CDKAL1: variants seen among roughly 807,000 people sequenced by gnomAD.
The protein encoded by CDKAL1 is threonylcarbamoyladenosine tRNA methylthiotransferase.
A neutral mutation model predicts 68.2 loss-of-function variants in CDKAL1; 32 were observed. The observed-to-expected ratio is 0.47, with a 90% CI of 0.35 to 0.63. The LOEUF (loss-of-function observed/expected upper bound fraction) is 0.63. CDKAL1 is among the 30% of genes least tolerant of loss of function. CDKAL1 has a pLI of 0.00. For synonymous variants in CDKAL1, 234 were observed against 244.3 expected, an observed-to-expected ratio of 0.96 and a Z score of 0.39; for missense variants, 606 against 696.7, an observed-to-expected ratio of 0.87 and a Z score of 1.47.
At chr6:20,734,162 A>AG (rs1554112396) in intron 5 of CDKAL1, among the ~76,000 whole-genome samples, 3 of 150,862 alleles carry the variant, frequency 2.0e-5, no homozygotes, top group Non-Finnish European at 4.4e-5. Context: ...AAAAAAAAAA[A>AG]AAAGAAAGAA....
chr6:21,121,640 T>C (rs975569825), intron 13 of CDKAL1, among the ~76,000 whole-genome samples: 38 of 152,320 alleles, frequency 2.5e-4, no homozygotes, highest in African/African-American at 8.9e-4. Flanking sequence ...TGCAGTAAAG[T>C]TATAGTTTCT....
intron 4 of CDKAL1, among the ~76,000 whole-genome samples, chr6:20,606,365 C>T (rs1451307400): frequency 6.6e-6 from 1 of 151,976 alleles, no homozygotes; most frequent in Non-Finnish European, 1.5e-5. Flanking sequence ...GATTTGTTTC[C>T]CTCTAGATTT....
intron 5 of CDKAL1, among the ~76,000 whole-genome samples, chr6:20,706,808 A>C (rs191002964): frequency 1.3e-5 from 2 of 152,138 alleles, no homozygotes; most frequent in Non-Finnish European, 2.9e-5. Flanking sequence ...TTTAACTTGC[A>C]TAAGTCCTGT....
At chr6:20,716,316 C>T (rs1330708134) in intron 5 of CDKAL1, among the ~76,000 whole-genome samples, 1 of 152,064 alleles carries the variant, frequency 6.6e-6, no homozygotes, top group Non-Finnish European at 1.5e-5. Context: ...TCAGGGAAAC[C>T]ATTTGAAAGA....
intron 10 of CDKAL1, among the ~76,000 whole-genome samples, chr6:20,960,845 C>T (rs1399988090): frequency 6.6e-6 from 1 of 152,128 alleles, no homozygotes; most frequent in Non-Finnish European, 1.5e-5. Context: ...GTTTATTTGC[C>T]CAGCTAAAAT....
intron 9 of CDKAL1, among the ~76,000 whole-genome samples, chr6:20,882,426 T>A (rs1010646095): frequency 3.9e-5 from 6 of 152,222 alleles, no homozygotes; most frequent in Non-Finnish European, 8.8e-5. Context: ...GACTCCCATA[T>A]CATATAACAC....
Position 21,111,570 on chromosome 6 carries a change from A to G in CDKAL1, c.1299+3107A>G, listed in dbSNP as rs572205644. Among the ~76,000 whole-genome samples, 6 of 152,308 alleles carry G rather than the reference A, an allele frequency of 3.9e-5. No individual in the cohort carries two copies. In the East Asian group the frequency reaches 1.2e-3, roughly 29 times the overall value. ...GTGTTGTTTGAGTGAGCCCAGGTGC[A>G]TTTCTTAATCATACCCCAAAGCCAT... On this transcript the variant is annotated intron_variant, in intron 13 of 15. Coordinates refer to ENST00000274695, the MANE Select transcript of CDKAL1 (RefSeq NM_017774.3).
chr6:20,942,694 T>C (rs1411737885), intron 9 of CDKAL1, among the ~76,000 whole-genome samples: 1 of 147,918 alleles, frequency 6.8e-6, no homozygotes, highest in Non-Finnish European at 1.5e-5. Flanking sequence ...TGGTGGCTCA[T>C]GCCTGTAATG....
chr6:20,606,560 G>T (rs1278615441), intron 4 of CDKAL1, among the ~76,000 whole-genome samples: 3 of 152,174 alleles, frequency 2.0e-5, no homozygotes, highest in Non-Finnish European at 4.4e-5. Flanking sequence ...GGTGAGAAAA[G>T]TGAAGAATCA....
chr6:20,836,921 G>A (rs1057042752), intron 8 of CDKAL1, among the ~76,000 whole-genome samples: 1 of 152,116 alleles, frequency 6.6e-6, no homozygotes, highest in Non-Finnish European at 1.5e-5. Flanking sequence ...GATAGCCAGT[G>A]GACTGTGTGC....
chr6:20,964,575 C>T (rs1295112632), intron 10 of CDKAL1, among the ~76,000 whole-genome samples: 1 of 152,124 alleles, frequency 6.6e-6, no homozygotes, highest in Non-Finnish European at 1.5e-5. Context: ...CATGTTCTTG[C>T]TTATAAGTGG....
chr6:21,067,314 T>G (rs954434567), intron 12 of CDKAL1, among the ~76,000 whole-genome samples: 1 of 152,212 alleles, frequency 6.6e-6, no homozygotes, highest in African/African-American at 2.4e-5. Flanking sequence ...GCTTGGATTT[T>G]GGGTTTTTGG....
intron 4 of CDKAL1, among the ~76,000 whole-genome samples, chr6:20,600,801 T>TATATATATACAC (rs1561956386): frequency 2.1e-5 from 3 of 145,046 alleles, no homozygotes; most frequent in Admixed American, 6.8e-5. Flanking sequence ...CACACACACA[T>TATATATATACAC]GAATGATAAA....
intron 12 of CDKAL1, among the ~76,000 whole-genome samples, chr6:21,103,532 C>T (rs1187540023): frequency 6.6e-6 from 1 of 151,990 alleles, no homozygotes; most frequent in African/African-American, 2.4e-5. Flanking sequence ...TACAGAGGTT[C>T]AGATTCTCGG....
At chr6:21,071,393 T>C (rs915167626) in intron 12 of CDKAL1, among the ~76,000 whole-genome samples, 12 of 152,192 alleles carry the variant, frequency 7.9e-5, no homozygotes, top group African/African-American at 2.7e-4. Flanking sequence ...TCCACCGTGA[T>C]TGTAAATTTC....
At chr6:20,750,950 TGAAAAAAA>T (rs1352874216) in intron 6 of CDKAL1, among the ~76,000 whole-genome samples, 7 of 46,668 alleles carry the variant, frequency 1.5e-4, no homozygotes, top group Non-Finnish European at 2.4e-4. Flanking sequence ...AGCAACAGAG[TGAAAAAAA>T]AAAAAAAAAA....
At chr6:21,193,102 A>G (rs2151099758) in intron 13 of CDKAL1, among the ~76,000 whole-genome samples, 1 of 152,222 alleles carries the variant, frequency 6.6e-6, no homozygotes, top group East Asian at 1.9e-4. Context: ...TACAGGTGTG[A>G]ACCACCACCA....
intron 9 of CDKAL1, among the ~76,000 whole-genome samples, chr6:20,879,208 G>A (rs1389286810): frequency 6.6e-6 from 1 of 152,196 alleles, no homozygotes; most frequent in African/African-American, 2.4e-5. Context: ...TTGCATTTCT[G>A]TAGAGAACCC....
chr6:20,574,836 A>G lies in CDKAL1; in HGVS notation c.286+26131A>G, dbSNP rs1261017857. Among the ~76,000 whole-genome samples, 5 of 152,200 alleles carry G rather than the reference A, an allele frequency of 3.3e-5. No homozygotes were observed. In the East Asian group the frequency reaches 5.8e-4, roughly 18 times the overall value. ...GTGAGTAATTTTGGGAACATTTTCC[A>G]TTTGGTGGTGTGTTATGTTCAAATG... On this transcript the variant is annotated intron_variant, in intron 4 of 15. Coordinates refer to ENST00000274695, the MANE Select transcript of CDKAL1 (RefSeq NM_017774.3).
Sources: allele counts gnomAD v4.1 joint callset (sites outside exome capture counted in the v4.1 genomes callset), GRCh38; gene constraint gnomAD v4.1.1; transcripts MANE v1.5; gene names NCBI Gene and HGNC (gene_info 2026-07-23, HGNC 2026-07-21).